Variants in RIOK2 observed in about 807,000 individuals in gnomAD.
RIOK2 encodes the protein RIO kinase 2.
RIOK2 carries 46 observed loss-of-function variants against 62.4 expected under a neutral mutation model. The observed-to-expected ratio is 0.74, with a 90% CI of 0.58 to 0.94. The LOEUF is 0.94. Ranked by LOEUF, RIOK2 falls within the 40% of genes least tolerant of loss-of-function variation. The pLI is 0.00. For synonymous variants in RIOK2, 197 were observed against 216.0 expected (o/e 0.91, Z 0.77); for missense variants, 574 against 658.0 (o/e 0.87, Z 1.40).
intron 4 of RIOK2, among the ~76,000 whole-genome samples, chr5:97,176,644 C>T (rs1250691473): frequency 1.3e-5 from 2 of 152,098 alleles, no homozygotes; most frequent in Non-Finnish European, 2.9e-5. Flanking sequence ...CCAATTTTTA[C>T]CATTTTTAAT....
chr5:97,162,859 C>A lies in RIOK2; in HGVS notation c.*202G>T. On this transcript the variant is annotated 3_prime_UTR_variant, in exon 10 of 10. Transcript: ENST00000283109. ...ATAAAGTTACGTAACTGTAGTTACC[C>A]AAATTACTTTGAAAAAAATGGACTG... 4.0e-6 allele frequency: 2 copies of A among 493,954 alleles called. No homozygotes were observed. Among genetic ancestry groups the A allele is most frequent in the Non-Finnish European group, 3.5e-6 (1 of 283,426 alleles). 30.6% of individuals were successfully genotyped at this position (493,954 alleles called of 1,614,324 possible).
Position 97,173,215 on chromosome 5 carries a change from G to A in RIOK2, c.547C>T (p.Arg183Cys), listed in dbSNP as rs1261196019. The A allele has an allele frequency of 3.1e-6, 5 of 1,613,112 alleles. No homozygotes were observed. Among genetic ancestry groups the A allele is most frequent in the East Asian group, 4.5e-5 (2 of 44,742 alleles). The change falls in exon 5 of 10, where the codon CGT becomes TGT. Residue 183 changes from arginine to cysteine, a missense_variant. Arg to Cys is a radical substitution (Grantham distance 180, BLOSUM62 -3). Transcript: ENST00000283109. ...ATGAGTTCCATGACCACTGCATGAC[G>A]ATTGTAATCAATTGGCTTTGGAACT... ...FPVPKPIDYN[R>C]HAVVMELING... is the part of the protein sequence containing the mutation.
rs1554083808 is a variant in RIOK2, at chr5:97,182,792, G to GT, written c.66+333_66+334insA. ...TTATCAAATCTCGGGGGGGGGGGGG[G>GT]GCTTAAACCTTTCACAGCTGGTCGG... is the stretch of plus-strand genomic sequence containing the variant. On this transcript the variant is annotated intron_variant, in intron 1 of 9. Coordinates refer to ENST00000283109, the MANE Select transcript of RIOK2 (RefSeq NM_018343.3). 71 of 190,428 alleles carry GT rather than the reference G, an allele frequency of 3.7e-4. 2 individuals carry two copies. The highest frequency in any genetic ancestry group is 1.5e-3 in the East Asian group (11 of 7,506). 11.8% of individuals were successfully genotyped at this position (190,428 alleles called of 1,614,324 possible). A position where few individuals can be genotyped will look rare whatever the true frequency, so the allele number is the denominator to read the frequency against.
rs1367047711 is a variant in RIOK2 at position 97,179,303 on chromosome 5, A to G, written c.67-110T>C. ...GCTTTCCTGACTATGCAGTTCTCCA[A>G]CTAATTCTGAGACATAATCACTTCC... On this transcript the variant is annotated intron_variant, in intron 1 of 9. Coordinates refer to ENST00000283109, the MANE Select transcript of RIOK2 (RefSeq NM_018343.3). 6 of 919,196 alleles carry G rather than the reference A, an allele frequency of 6.5e-6. No homozygotes were observed. In the African/African-American group the frequency reaches 6.7e-5, roughly 10 times the overall value. The allele number at this position is 919,196 out of a possible 1,614,324, so 56.9% of individuals were successfully genotyped here.
chr5:97,164,226 C>T (rs1462832651), intron 9 of RIOK2, among the ~76,000 whole-genome samples: 5 of 151,868 alleles, frequency 3.3e-5, no homozygotes, highest in Non-Finnish European at 5.9e-5. Context: ...AATGGCTGGG[C>T]GCAGTGGCTC....
At position 97,167,871 on chromosome 5, in the gene RIOK2, T is replaced by C; in HGVS notation, c.993A>G (p.Gly331=). Residue 331 remains glycine, a synonymous_variant, in exon 8 of 10, where the codon GGA becomes GGG. Coordinates refer to ENST00000283109, the MANE Select transcript of RIOK2 (RefSeq NM_018343.3). ...CTCCATCTGAAAATGAGAATTCAGA[T>C]CCCTCTTTTGTTTCAATATTTTTAT... ...PDDKNIETKE[G]SEFSFSDGEV... is the part of the protein sequence containing the mutation. 6.2e-7 allele frequency: 1 copy of C among 1,613,896 alleles called. No homozygotes were observed. Among genetic ancestry groups the C allele is most frequent in the Non-Finnish European group, 8.5e-7 (1 of 1,180,016 alleles).
At chr5:97,181,855 T>C (rs1475923804) in intron 1 of RIOK2, among the ~76,000 whole-genome samples, 1 of 151,760 alleles carries the variant, frequency 6.6e-6, no homozygotes, top group Non-Finnish European at 1.5e-5. Flanking sequence ...GAAGTGATAG[T>C]AGGTTTTCAT....
At chr5:97,180,146 A>ACATATATATATG (rs1561522482) in intron 1 of RIOK2, among the ~76,000 whole-genome samples, 4 of 33,108 alleles carry the variant, frequency 1.2e-4, no homozygotes, top group African/African-American at 2.4e-4. Flanking sequence ...ATATATGTAT[A>ACATATATATATG]TATATATATA....
chr5:97,173,351 GA>G lies in RIOK2; in HGVS notation c.499-89del, dbSNP rs1043849029. ...AAGTAAATATACCTTTCTACAACCA[GA>G]AAAAAAACACACAAACCTTTATAAA... On this transcript the variant is annotated intron_variant, in intron 4 of 9. Transcript: ENST00000283109. 668 of 748,986 alleles carry G rather than the reference GA, an allele frequency of 8.9e-4. 12 individuals are homozygous for G. In the East Asian group the frequency reaches 0.019, roughly 21 times the overall value. 46.4% of individuals were successfully genotyped at this position (748,986 alleles called of 1,614,324 possible).
chr5:97,166,448 T>C (rs1580265958), intron 8 of RIOK2: 1 of 337,524 alleles, frequency 3.0e-6, no homozygotes, highest in East Asian at 8.3e-5. Context: ...GCTTAAGATA[T>C]AAGCCCAAAC....
chr5:97,172,182 T>G (rs1749028289), intron 5 of RIOK2, among the ~76,000 whole-genome samples: 1 of 152,230 alleles, frequency 6.6e-6, no homozygotes, highest in Non-Finnish European at 1.5e-5. Context: ...TGATCTCATC[T>G]AGGTTAATGG....
At chr5:97,163,573 G>A (rs1291931887) in intron 9 of RIOK2, among the ~76,000 whole-genome samples, 1 of 152,132 alleles carries the variant, frequency 6.6e-6, no homozygotes, top group Non-Finnish European at 1.5e-5. Flanking sequence ...ATTTTTGAAA[G>A]CATTCAGTAT....
At chr5:97,180,004 TTA>T (rs1451593924) in intron 1 of RIOK2, among the ~76,000 whole-genome samples, 2,402 of 36,580 alleles carry the variant, frequency 0.066, 199 homozygotes, top group African/African-American at 0.075. Flanking sequence ...TATATATATA[TTA>T]TATATATATA....
Position 97,165,122 on chromosome 5 carries a change from T to G in RIOK2, c.1423A>C (p.Asn475His), listed in dbSNP as rs779727025. Residue 475 changes from asparagine to histidine, a missense_variant, in exon 9 of 10, where the codon AAT becomes CAT. Coordinates refer to ENST00000283109, the MANE Select transcript of RIOK2 (RefSeq NM_018343.3). ...FRDEENVGAM[N>H]QYRTRTLSIT... ...CTCAGAGTTCTTGTTCTATACTGAT[T>G]CATAGCTCCCACATTTTCTTCATCT... 6.7e-7 allele frequency: 1 copy of G among 1,481,970 alleles called. No individual in the cohort carries two copies. Among genetic ancestry groups the G allele is most frequent in the South Asian group, 1.5e-5 (1 of 68,922 alleles). 91.8% of individuals were successfully genotyped at this position (1,481,970 alleles called of 1,614,324 possible). A position where few individuals can be genotyped will look rare whatever the true frequency, so the allele number is the denominator to read the frequency against.
At chr5:97,182,316 C>CA in intron 1 of RIOK2, among the ~76,000 whole-genome samples, 1 of 152,344 alleles carries the variant, frequency 6.6e-6, no homozygotes, top group Non-Finnish European at 1.5e-5. Flanking sequence ...GTGTGCATCT[C>CA]ACTTTGCTCC....
chr5:97,166,820 G>T, intron 8 of RIOK2: 1 of 983,206 alleles, frequency 1.0e-6, no homozygotes, highest in Non-Finnish European at 1.2e-6. Flanking sequence ...CACATCAGAT[G>T]TGTAATTAGG....
At chr5:97,176,100 G>T (rs1749156229) in intron 4 of RIOK2, 1 of 152,042 alleles carries the variant, frequency 6.6e-6, no homozygotes. Flanking sequence ...CATTTCATCT[G>T]CCAGGTTAAG....
chr5:97,174,767 T>C (rs1749115682), intron 4 of RIOK2, among the ~76,000 whole-genome samples: 1 of 151,934 alleles, frequency 6.6e-6, no homozygotes, highest in Non-Finnish European at 1.5e-5. Context: ...ATTCAGTATA[T>C]AATTAAAAAA....
chr5:97,176,696 A>C (rs1003389690), intron 4 of RIOK2, among the ~76,000 whole-genome samples: 2 of 152,240 alleles, frequency 1.3e-5, no homozygotes, highest in African/African-American at 4.8e-5. Context: ...TATGTGAAAC[A>C]AAAAACTAGC....
Sources: gnomAD v4.1 joint callset for allele counts (sites outside exome capture counted in the v4.1 genomes callset) on GRCh38, gnomAD v4.1.1 for gene constraint, MANE v1.5 for transcripts, NCBI Gene and HGNC (gene_info 2026-07-23, HGNC 2026-07-21) for gene names.